Variants in MCTP1 observed in about 807,000 individuals in gnomAD.
The protein encoded by MCTP1 is multiple C2 and transmembrane domain-containing protein 1.
Under a neutral mutation model 120.6 loss-of-function variants are expected in MCTP1, and 69 were observed. The ratio of observed to expected loss-of-function variants is 0.57; its 90% CI spans 0.47 to 0.70. The LOEUF (loss-of-function observed/expected upper bound fraction) is 0.70, where lower values mean the gene tolerates loss of function less well. Ranked by LOEUF, MCTP1 falls within the 30% of genes least tolerant of loss-of-function variation. The pLI is 0.00. For missense variants in MCTP1, 1,203 were observed against 1,248.8 expected (o/e 0.96, Z 0.55); for synonymous variants, 529 against 493.1 (o/e 1.07, Z -0.96).
At chr5:95,081,648 A>C (rs1754958012) in intron 1 of MCTP1, 1 of 1,329,402 alleles carries the variant, frequency 7.5e-7, no homozygotes. Flanking sequence ...CTTGGAATGA[A>C]AGTAAGAAGA....
intron 1 of MCTP1, among the ~76,000 whole-genome samples, chr5:95,123,908 C>A (rs1039700709): frequency 3.3e-5 from 5 of 152,126 alleles, no homozygotes; most frequent in South Asian, 2.1e-4. Context: ...CTCGGCCTCT[C>A]AAAGTGCTAG....
intron 1 of MCTP1, among the ~76,000 whole-genome samples, chr5:95,243,506 C>A (rs1387009141): frequency 6.6e-6 from 1 of 152,066 alleles, no homozygotes; most frequent in Non-Finnish European, 1.5e-5. Context: ...TAGGTAGGAG[C>A]CAGACCACAA....
chr5:94,901,536 A>G (rs570916421), intron 10 of MCTP1, among the ~76,000 whole-genome samples: 15 of 152,216 alleles, frequency 9.9e-5, no homozygotes, highest in African/African-American at 3.4e-4. Flanking sequence ...GAAAAATAAG[A>G]CTTAGAAAAA....
intron 1 of MCTP1, among the ~76,000 whole-genome samples, chr5:95,132,501 T>C (rs1288834158): frequency 1.3e-5 from 2 of 152,236 alleles, no homozygotes; most frequent in Non-Finnish European, 2.9e-5. Flanking sequence ...AGTATTCCGA[T>C]AGAATTCCTA....
intron 1 of MCTP1, among the ~76,000 whole-genome samples, chr5:95,208,246 T>C (rs1259663885): frequency 1.3e-5 from 2 of 152,072 alleles, no homozygotes; most frequent in East Asian, 1.9e-4. Context: ...CCTGCAACCA[T>C]GTCCAGCTAA....
chr5:94,883,153 C>G (rs1365878168), intron 12 of MCTP1, among the ~76,000 whole-genome samples: 1 of 152,068 alleles, frequency 6.6e-6, no homozygotes, highest in Non-Finnish European at 1.5e-5. Flanking sequence ...TTTGTTTAGG[C>G]TCATTCTTAA....
At chr5:94,930,174 A>G (rs1814231963) in intron 6 of MCTP1, among the ~76,000 whole-genome samples, 2 of 151,438 alleles carry the variant, frequency 1.3e-5, no homozygotes, top group African/African-American at 4.8e-5. Flanking sequence ...TTTTCTGTAT[A>G]TGGAACAAAA....
chr5:95,239,036 C>T (rs1423621636), intron 1 of MCTP1, among the ~76,000 whole-genome samples: 1 of 152,120 alleles, frequency 6.6e-6, no homozygotes, highest in Non-Finnish European at 1.5e-5. Context: ...TCTAACTGTA[C>T]CACCCAAAAC....
chr5:95,093,445 C>T (rs531425494), intron 1 of MCTP1, among the ~76,000 whole-genome samples: 11 of 151,934 alleles, frequency 7.2e-5, no homozygotes, highest in Admixed American at 5.9e-4. Flanking sequence ...TTAGGTATGT[C>T]GGGGGAGGGG....
At chr5:95,279,037 C>A (rs1274305925) in intron 1 of MCTP1, among the ~76,000 whole-genome samples, 1 of 151,688 alleles carries the variant, frequency 6.6e-6, no homozygotes, top group Non-Finnish European at 1.5e-5. Context: ...AGATATAGAC[C>A]AAGAAGAAAA....
At chr5:95,281,664 T>C (rs980733497) in intron 1 of MCTP1, among the ~76,000 whole-genome samples, 3 of 152,244 alleles carry the variant, frequency 2.0e-5, no homozygotes, top group Non-Finnish European at 4.4e-5. Flanking sequence ...CTATTTCTCT[T>C]ATGTCTATGT....
intron 1 of MCTP1, among the ~76,000 whole-genome samples, chr5:95,103,404 T>C (rs980198568): frequency 1.8e-4 from 28 of 152,120 alleles, no homozygotes; most frequent in Non-Finnish European, 3.8e-4. Flanking sequence ...ATGGCATATA[T>C]GGGAGACTGC....
chr5:95,141,376 C>G (rs576157998), intron 1 of MCTP1, among the ~76,000 whole-genome samples: 1 of 152,324 alleles, frequency 6.6e-6, no homozygotes, highest in Non-Finnish European at 1.5e-5. Flanking sequence ...CAGTAATCCA[C>G]TAAATACCTA....
chr5:94,974,391 T>G (rs1827596482), intron 2 of MCTP1, among the ~76,000 whole-genome samples: 2 of 151,962 alleles, frequency 1.3e-5, no homozygotes, highest in African/African-American at 4.8e-5. Context: ...CTACAAAATT[T>G]TTTTAAAAAA....
At chr5:94,904,176 G>A (rs1806207676) in intron 10 of MCTP1, among the ~76,000 whole-genome samples, 1 of 152,132 alleles carries the variant, frequency 6.6e-6, no homozygotes, top group Non-Finnish European at 1.5e-5. Flanking sequence ...TTAGTTTACC[G>A]AGTACTTGGC....
At chr5:94,753,566 T>G (rs1449985771) in intron 19 of MCTP1, among the ~76,000 whole-genome samples, 2 of 152,236 alleles carry the variant, frequency 1.3e-5, no homozygotes, top group East Asian at 3.9e-4. Context: ...ATGATTGTGG[T>G]GTGTAGTTGC....
intron 16 of MCTP1, among the ~76,000 whole-genome samples, 187 bp from the exon 17 acceptor site, chr5:94,868,639 T>A (rs1343330466): frequency 6.6e-6 from 1 of 152,020 alleles, no homozygotes; most frequent in East Asian, 1.9e-4. Context: ...AGAACTGCCT[T>A]TTTAACTAAA....
At chr5:95,185,208 G>A (rs1749071755) in intron 1 of MCTP1, among the ~76,000 whole-genome samples, 1 of 151,912 alleles carries the variant, frequency 6.6e-6, no homozygotes, top group Admixed American at 6.6e-5. Context: ...GGCTAGTATT[G>A]TAATGATACC....
intron 1 of MCTP1, among the ~76,000 whole-genome samples, chr5:95,042,580 T>A (rs928093783): frequency 6.6e-6 from 1 of 152,238 alleles, no homozygotes. Flanking sequence ...TTGAAATACA[T>A]GCATTGGCTG....
Sources: gnomAD v4.1 joint callset for allele counts (sites outside exome capture counted in the v4.1 genomes callset) on GRCh38, gnomAD v4.1.1 for gene constraint, MANE v1.5 for transcripts, NCBI Gene and HGNC (gene_info 2026-07-23, HGNC 2026-07-21) for gene names.